The following ILRUN variants were observed in gnomAD, a reference collection of about 807,000 sequenced individuals.
The protein encoded by ILRUN is inflammation and lipid regulator with UBA-like and NBR1-like domains, also known as protein ILRUN.
ILRUN carries 3 observed loss-of-function variants against 33.8 expected under a neutral mutation model. The observed-to-expected ratio is 0.09, with a 90% CI of 0.04 to 0.23. ILRUN has a LOEUF of 0.23. ILRUN is among the 10% of genes least tolerant of loss of function. ILRUN has a pLI of 1.00. For synonymous variants in ILRUN, 124 were observed against 138.9 expected (o/e 0.89, Z 0.75); for missense variants, 210 against 375.1 (o/e 0.56, Z 3.64).
chr6:34,665,945 T>C (rs1412732295), intron 1 of ILRUN, among the ~76,000 whole-genome samples: 1 of 148,176 alleles, frequency 6.7e-6, no homozygotes, highest in Admixed American at 6.7e-5. Flanking sequence ...GTTTCATCTA[T>C]GCTTAAAAAA....
chr6:34,651,859 C>G (rs1762679046), intron 2 of ILRUN, among the ~76,000 whole-genome samples: 1 of 137,602 alleles, frequency 7.3e-6, no homozygotes, highest in Non-Finnish European at 1.5e-5. Context: ...GCGGCGCGAT[C>G]TTGGCTCACT....
intron 4 of ILRUN, among the ~76,000 whole-genome samples, chr6:34,601,193 A>C (rs1026229019): frequency 2.6e-5 from 4 of 152,174 alleles, no homozygotes; most frequent in Non-Finnish European, 4.4e-5. Flanking sequence ...TACACTGATA[A>C]ATTTTAATAA....
chr6:34,631,484 C>T (rs945797937), intron 3 of ILRUN, among the ~76,000 whole-genome samples: 2 of 152,100 alleles, frequency 1.3e-5, no homozygotes, highest in Admixed American at 6.6e-5. Context: ...TGTACCACCA[C>T]GCCCGGCTAA....
At chr6:34,669,871 G>A (rs928154392) in intron 1 of ILRUN, among the ~76,000 whole-genome samples, 3 of 151,008 alleles carry the variant, frequency 2.0e-5, no homozygotes, top group Non-Finnish European at 4.4e-5. Flanking sequence ...ACATGACTAC[G>A]TATTATATGA....
intron 4 of ILRUN, among the ~76,000 whole-genome samples, chr6:34,603,180 A>G (rs1425058761): frequency 3.3e-5 from 5 of 152,138 alleles, no homozygotes; most frequent in Non-Finnish European, 2.9e-5. Context: ...GTGATCCCTG[A>G]CACTAGCACC....
intron 1 of ILRUN, among the ~76,000 whole-genome samples, chr6:34,676,467 G>A (rs1040867684): frequency 6.6e-6 from 1 of 151,314 alleles, no homozygotes; most frequent in Admixed American, 6.6e-5. Flanking sequence ...TAGCTAGCTA[G>A]CTAGCTAGCT....
chr6:34,673,602 T>C (rs866630618), intron 1 of ILRUN, among the ~76,000 whole-genome samples: 8 of 152,180 alleles, frequency 5.3e-5, no homozygotes, highest in South Asian at 4.1e-4. Flanking sequence ...CACATGCCTG[T>C]AATGCCAGCA....
chr6:34,590,979 T>G (rs1761282544), intron 4 of ILRUN, among the ~76,000 whole-genome samples: 1 of 152,232 alleles, frequency 6.6e-6, no homozygotes, highest in Admixed American at 6.5e-5. Context: ...TCTATGCACC[T>G]TAACTTCAGA....
chr6:34,615,693 G>A (rs898581954), intron 3 of ILRUN, among the ~76,000 whole-genome samples: 6 of 152,154 alleles, frequency 3.9e-5, no homozygotes, highest in Non-Finnish European at 8.8e-5. Context: ...TATCAAGCGA[G>A]GGGTAGAACA....
intron 1 of ILRUN, among the ~76,000 whole-genome samples, chr6:34,675,452 T>C (rs1479447144): frequency 1.3e-5 from 2 of 152,116 alleles, no homozygotes; most frequent in African/African-American, 2.4e-5. Context: ...GTACTAACAT[T>C]GAAAAAAATT....
Position 34,643,511 on chromosome 6 carries a change from A to C in ILRUN, c.511+3090T>G, listed in dbSNP as rs1245489193. On this transcript the variant is annotated intron_variant, in intron 3 of 4. Transcript: ENST00000374023. ...TCCTTCTACCTTCTTTTTGTTTCCT[A>C]GTCTTAAAAATCTTTAATGGACACC... is the stretch of plus-strand genomic sequence containing the variant. Among the ~76,000 whole-genome samples the C allele has an allele frequency of 4.2e-4, 64 of 152,046 alleles. 1 individual carries two copies. Among genetic ancestry groups the C allele is most frequent in the Non-Finnish European group, 5.9e-5 (4 of 67,998 alleles).
chr6:34,612,465 A>G (rs367841779), intron 3 of ILRUN, among the ~76,000 whole-genome samples: 4 of 152,142 alleles, frequency 2.6e-5, no homozygotes, highest in Non-Finnish European at 5.9e-5. Flanking sequence ...CATTAGAGCT[A>G]GAAAGTACTG....
intron 3 of ILRUN, among the ~76,000 whole-genome samples, chr6:34,631,433 T>C (rs569496739): frequency 4.2e-4 from 64 of 152,162 alleles, no homozygotes; most frequent in African/African-American, 1.5e-3. Context: ...GTTCAAGCCA[T>C]TCTCATGCCT....
intron 1 of ILRUN, among the ~76,000 whole-genome samples, chr6:34,675,007 G>A (rs1434072179): frequency 2.0e-5 from 3 of 152,092 alleles, no homozygotes; most frequent in East Asian, 3.8e-4. Context: ...CAGGCCGAGC[G>A]CAGTGGCTCA....
intron 3 of ILRUN, among the ~76,000 whole-genome samples, chr6:34,612,809 A>G (rs991525265): frequency 1.1e-4 from 16 of 152,016 alleles, no homozygotes; most frequent in East Asian, 3.9e-4. Flanking sequence ...TTGGGAGGCC[A>G]AGGCGGGCGG....
chr6:34,672,159 G>C (rs1763130646), intron 1 of ILRUN, among the ~76,000 whole-genome samples: 1 of 151,746 alleles, frequency 6.6e-6, no homozygotes, highest in Admixed American at 6.6e-5. Flanking sequence ...CTGGAGTGCA[G>C]TGGCACAATC....
chr6:34,655,139 T>C (rs1055757581), intron 1 of ILRUN, among the ~76,000 whole-genome samples: 6 of 152,218 alleles, frequency 3.9e-5, no homozygotes, highest in Admixed American at 1.3e-4. Context: ...TGTATTATTA[T>C]TATTTGTTAA....
chr6:34,592,060 C>T lies in ILRUN; in HGVS notation c.862-1460G>A, dbSNP rs1192829357. On this transcript the variant is annotated intron_variant, in intron 4 of 4. Transcript: ENST00000374023. This position sits in a 1 kb window ranked among gnomAD's most constrained non-coding sequence, Gnocchi z 4.0. ...AAACCACGAACACGCTGGACCATGA[C>T]GTGTGCTTCCTCCCCAATCCCTGCT... Among the ~76,000 whole-genome samples the T allele has an allele frequency of 1.3e-5, 2 of 152,292 alleles. No individual in the cohort carries two copies. Among genetic ancestry groups the T allele is most frequent in the South Asian group, 4.1e-4 (2 of 4,822 alleles).
chr6:34,603,418 G>A (rs2103646), intron 4 of ILRUN, among the ~76,000 whole-genome samples: 67,740 of 151,972 alleles, frequency 0.45, 17,039 homozygotes, highest in African/African-American at 0.69. Context: ...GCGGATCACG[G>A]GGTCAGGAGA....
Sources: gnomAD v4.1 joint callset for allele counts (sites outside exome capture counted in the v4.1 genomes callset) on GRCh38, gnomAD v4.1.1 for gene constraint, Gnocchi (gnomAD v3.1) non-coding constraint, MANE v1.5 for transcripts, NCBI Gene and HGNC (gene_info 2026-07-23, HGNC 2026-07-21) for gene names.